DNMT1: variants seen among roughly 807,000 people sequenced by gnomAD.
DNMT1 encodes DNA (cytosine-5)-methyltransferase 1.
Under a neutral mutation model 205.3 loss-of-function variants are expected in DNMT1, and 24 were observed. The ratio of observed to expected loss-of-function variants is 0.12; its 90% CI spans 0.08 to 0.16. The LOEUF is 0.16. Ranked by LOEUF, DNMT1 falls within the 10% of genes least tolerant of loss-of-function variation. DNMT1 has a pLI of 1.00. For synonymous variants in DNMT1, 817 were observed against 839.8 expected (o/e 0.97, Z 0.47); for missense variants, 1,293 against 2,177.7 (o/e 0.59, Z 8.09).
intron 30 of DNMT1, chr19:10,141,654 C>G: frequency 3.0e-6 from 1 of 333,124 alleles, no homozygotes; most frequent in South Asian, 3.1e-5. Context: ...GGCGCCTGGC[C>G]CAAGGGACCC....
chr19:10,175,614 C>T lies in DNMT1; in HGVS notation c.574G>A (p.Ala192Thr). The change falls in exon 7 of 41, where the codon GCC becomes ACC. Residue 192 changes from alanine (A) to threonine (T), a missense_variant. By Grantham distance (58) the Ala-to-Thr change is moderately conservative (BLOSUM62 0). Around this residue, in one of 13 missense-constraint regions of DNMT1, gnomAD observed 394 missense variants for 451.6 expected, o/e 0.87. Coordinates refer to ENST00000359526, the MANE Select transcript of DNMT1 (RefSeq NM_001130823.3). ...TITSHFAKGP[A>T]KRKPQEESER... ...GACTCTTCCTGAGGTTTCCGTTTGG[C>T]AGGGCTGTCACACACAGTGAGGCCA... 1.2e-6 allele frequency: 2 copies of T among 1,614,064 alleles called. No individual in the cohort carries two copies. The highest frequency in any genetic ancestry group is 1.7e-6 in the Non-Finnish European group (2 of 1,179,942).
chr19:10,148,134 A>ATT (rs2038241320), intron 27 of DNMT1, among the ~76,000 whole-genome samples: 1 of 147,720 alleles, frequency 6.8e-6, no homozygotes, highest in Non-Finnish European at 1.5e-5. Context: ...AAAAAAAAAA[A>ATT]AAAATTAAAA....
At chr19:10,168,674 C>G (rs1443165371) in intron 9 of DNMT1, among the ~76,000 whole-genome samples, 7 of 151,194 alleles carry the variant, frequency 4.6e-5, no homozygotes, top group Non-Finnish European at 1.0e-4. Flanking sequence ...ATTTTTACTT[C>G]AAAATTCCTC....
rs1485329497 is a variant in DNMT1, at chr19:10,137,452, C to G, written c.4294-172G>C. Reference sequence around the variant, plus strand: ...CTTGGCTCGAGGCCACGGCAGGGACCTGAGGCAGCGCAGGTGTAGGAGAGC... The same window carrying G: ...CTTGGCTCGAGGCCACGGCAGGGACGTGAGGCAGCGCAGGTGTAGGAGAGC... On this transcript the variant is annotated intron_variant, in intron 36 of 40. Coordinates refer to ENST00000359526, the MANE Select transcript of DNMT1 (RefSeq NM_001130823.3). The surrounding 1 kb of genome is among the most constrained non-coding windows in gnomAD (Gnocchi z 6.4). 2.5e-6 allele frequency: 2 copies of G among 792,274 alleles called. No individual in the cohort carries two copies. Among genetic ancestry groups the G allele is most frequent in the East Asian group, 5.4e-5 (2 of 37,358 alleles). The allele number at this position is 792,274 out of a possible 1,614,324, so 49.1% of individuals were successfully genotyped here.
chr19:10,166,706 C>G, intron 10 of DNMT1, 21 bp from the exon 11 acceptor site: 1 of 1,613,962 alleles, frequency 6.2e-7, no homozygotes, highest in Middle Eastern at 1.7e-4. Flanking sequence ...AGACAACACA[C>G]ACACAGGCTG....
intron 2 of DNMT1, 148 bp downstream of exon 2, chr19:10,181,893 C>T: frequency 1.5e-6 from 1 of 687,580 alleles, no homozygotes; most frequent in Admixed American, 2.6e-5. Context: ...CAAATTAGTG[C>T]TGACATTTAA....
rs2145359154 is a variant in DNMT1 at position 10,173,083 on chromosome 19, G to A, written c.768+7C>T. ...AATTAACAAACTTAGAGGTGATAGA[G>A]CTTTACTTTTTCATCTCTTTCTTCT... On this transcript the variant is annotated splice_region_variant and intron_variant, in intron 9 of 40. Coordinates refer to ENST00000359526, the MANE Select transcript of DNMT1 (RefSeq NM_001130823.3). 6.2e-7 allele frequency: 1 copy of A among 1,614,124 alleles called. No individual in the cohort carries two copies.
chr19:10,145,498 C>G (rs927333043), intron 28 of DNMT1, among the ~76,000 whole-genome samples: 1 of 152,158 alleles, frequency 6.6e-6, no homozygotes, highest in Non-Finnish European at 1.5e-5. Flanking sequence ...TCCAACCACA[C>G]GCTGATTCTT....
At position 10,180,670 on chromosome 19, in the gene DNMT1, ATC is replaced by A. The variant is rs2039029771; in HGVS notation, c.226-103_226-102del. On this transcript the variant is annotated intron_variant, in intron 3 of 40. Coordinates refer to ENST00000359526, the MANE Select transcript of DNMT1 (RefSeq NM_001130823.3). ...CTTCATCATCATCATCATCATCATCATCATCAGGCAATGAGGACAGCTGGGGA... is the reference window on the plus strand; with the variant it reads ...CTTCATCATCATCATCATCATCATCAATCAGGCAATGAGGACAGCTGGGGA... 2.7e-6 allele frequency: 4 copies of A among 1,468,972 alleles called. No homozygotes were observed. The East Asian group carries it at 9.1e-5, about 33-fold the overall frequency. 91.0% of individuals were successfully genotyped at this position (1,468,972 alleles called of 1,614,324 possible). A position where few individuals can be genotyped will look rare whatever the true frequency, so the allele number is the denominator to read the frequency against.
At chr19:10,191,203 C>A (rs1291609380) in intron 1 of DNMT1, among the ~76,000 whole-genome samples, 2 of 151,784 alleles carry the variant, frequency 1.3e-5, no homozygotes, top group Non-Finnish European at 2.9e-5. Flanking sequence ...ATTGCTTAAA[C>A]CCGGGAAGCG....
At chr19:10,148,773 A>G in intron 27 of DNMT1, 111 bp downstream of exon 27, 1 of 1,588,638 alleles carries the variant, frequency 6.3e-7, no homozygotes, top group South Asian at 1.1e-5. Flanking sequence ...CGAGCAAGAG[A>G]CACAAACTGG....
At chr19:10,192,012 T>TG (rs2039313251) in intron 1 of DNMT1, among the ~76,000 whole-genome samples, 1 of 151,668 alleles carries the variant, frequency 6.6e-6, no homozygotes, top group African/African-American at 2.4e-5. Flanking sequence ...TTAGTAGAGA[T>TG]GGGGTTTCGC....
At chr19:10,186,838 CAAAAAAAA>C (rs35238334) in intron 1 of DNMT1, among the ~76,000 whole-genome samples, 1 of 70,688 alleles carries the variant, frequency 1.4e-5, no homozygotes, top group East Asian at 5.5e-4. Context: ...AACTCCGTCT[CAAAAAAAA>C]AAAAAAAAAA....
intron 1 of DNMT1, among the ~76,000 whole-genome samples, chr19:10,189,286 A>T (rs2039255145): frequency 6.6e-6 from 1 of 151,612 alleles, no homozygotes; most frequent in South Asian, 2.1e-4. Flanking sequence ...TGCCTGGCTA[A>T]TTTTTTTTGT....
intron 5 of DNMT1, among the ~76,000 whole-genome samples, chr19:10,179,141 A>G (rs1254103531): frequency 1.3e-5 from 2 of 151,818 alleles, no homozygotes; most frequent in Non-Finnish European, 2.9e-5. Flanking sequence ...AAAAAAAAAA[A>G]AAAAAAAAAT....
At chr19:10,171,197 AAAG>A (rs1263336318) in intron 9 of DNMT1, among the ~76,000 whole-genome samples, 8 of 148,942 alleles carry the variant, frequency 5.4e-5, no homozygotes, top group South Asian at 2.2e-4. Context: ...CAGATTTTAC[AAAG>A]AAGATGAGGG....
chr19:10,156,288 C>T lies in DNMT1; in HGVS notation c.1399+103G>A. 7.6e-6 allele frequency: 7 copies of T among 922,916 alleles called. No individual in the cohort carries two copies. Among genetic ancestry groups the T allele is most frequent in the Non-Finnish European group, 1.2e-5 (7 of 563,570 alleles). 57.2% of individuals were successfully genotyped at this position (922,916 alleles called of 1,614,324 possible). A position where few individuals can be genotyped will look rare whatever the true frequency, so the allele number is the denominator to read the frequency against. ...TCTCAAACTCCCGGGCTCAAGTGATCCTCTGGCCTCAGACCCCCAAAGTGC... is the reference window on the plus strand; with the variant it reads ...TCTCAAACTCCCGGGCTCAAGTGATTCTCTGGCCTCAGACCCCCAAAGTGC... On this transcript the variant is annotated intron_variant, in intron 18 of 40. Transcript: ENST00000359526. This position sits in a 1 kb window ranked among gnomAD's most constrained non-coding sequence, Gnocchi z 4.2.
At chr19:10,169,246 T>C (rs1457547622) in intron 9 of DNMT1, among the ~76,000 whole-genome samples, 2 of 151,804 alleles carry the variant, frequency 1.3e-5, no homozygotes, top group African/African-American at 4.8e-5. Context: ...TCAGGAATAT[T>C]AAGAAACACT....
intron 5 of DNMT1, among the ~76,000 whole-genome samples, chr19:10,178,908 T>C (rs1055475388): frequency 8.6e-5 from 13 of 151,568 alleles, no homozygotes; most frequent in African/African-American, 3.2e-4. Flanking sequence ...GGGCGGATCA[T>C]GAGGTCAGGA....
Sources: allele counts gnomAD v4.1 joint callset (sites outside exome capture counted in the v4.1 genomes callset), GRCh38; gene constraint gnomAD v4.1.1; regional missense constraint gnomAD v4.1.1; non-coding constraint Gnocchi (gnomAD v3.1); transcripts MANE v1.5; gene names NCBI Gene and HGNC (gene_info 2026-07-23, HGNC 2026-07-21).